The following PARPBP variants were observed in gnomAD, a reference collection of about 807,000 sequenced individuals.
PARPBP encodes the protein PARP1 binding protein.
A neutral mutation model predicts 50.0 loss-of-function variants in PARPBP; 52 were observed. The ratio of observed to expected loss-of-function variants is 1.04; its 90% CI spans 0.83 to 1.31. The LOEUF is 1.31. Among genes scored for constraint, PARPBP ranks in the 50% most tolerant of loss-of-function variants. The pLI is 0.00. For missense variants in PARPBP, 697 were observed against 672.0 expected (o/e 1.04, Z -0.41); for synonymous variants, 244 against 232.1 (o/e 1.05, Z -0.47).
rs369447411 is a variant in PARPBP at position 102,196,258 on chromosome 12, C to T, written c.1707C>T (p.Gly569=). The change falls in exon 11 of 11, where the codon GGC becomes GGT. Residue 569 remains glycine (G), a synonymous_variant. Coordinates refer to ENST00000327680, the MANE Select transcript of PARPBP (RefSeq NM_017915.5). ...CTGCCAAGGACAAGTTGATTTCTGGCCAGGCAAAGTTAACTCAGTTTTTTA... is the reference window on the plus strand; with the variant it reads ...CTGCCAAGGACAAGTTGATTTCTGGTCAGGCAAAGTTAACTCAGTTTTTTA... ...KCTAKDKLIS[G]QAKLTQFFRL 15 of 1,596,500 alleles carry T rather than the reference C, an allele frequency of 9.4e-6. No individual in the cohort carries two copies. In the African/African-American group the frequency reaches 1.9e-4, roughly 20 times the overall value.
chr12:102,178,943 G>A (rs1889563520), intron 8 of PARPBP, among the ~76,000 whole-genome samples, 173 bp downstream of exon 8: 1 of 152,158 alleles, frequency 6.6e-6, no homozygotes, highest in South Asian at 2.1e-4. Context: ...TATAAAAGAA[G>A]TAATATTTTA....
Position 102,120,255 on chromosome 12 carries a change from A to C in PARPBP, c.-35A>C, listed in dbSNP as rs1470119320. The C allele has an allele frequency of 3.6e-6, 1 of 275,048 alleles. No homozygotes were observed. Among genetic ancestry groups the C allele is most frequent in the Non-Finnish European group, 7.6e-6 (1 of 131,836 alleles). 17.0% of individuals were successfully genotyped at this position (275,048 alleles called of 1,614,324 possible). On this transcript the variant is annotated 5_prime_UTR_variant, in exon 1 of 11. Transcript: ENST00000327680. ...CCGTTGGGGATCCTTCCGCACACTG[A>C]AGAGTACGTCTTCGGGTCTACCCCT...
At chr12:102,157,878 T>C (rs1214565016) in intron 4 of PARPBP, among the ~76,000 whole-genome samples, 1 of 151,988 alleles carries the variant, frequency 6.6e-6, no homozygotes, top group Non-Finnish European at 1.5e-5. Flanking sequence ...CCCAGCACTT[T>C]GGGAGGCTGA....
At chr12:102,130,329 G>A (rs1426528499) in intron 2 of PARPBP, among the ~76,000 whole-genome samples, 5 of 152,146 alleles carry the variant, frequency 3.3e-5, no homozygotes, top group East Asian at 1.9e-4. Flanking sequence ...ACAGGCATGG[G>A]CAACGATTTC....
At chr12:102,124,854 TTTC>T (rs1352800329) in intron 2 of PARPBP, among the ~76,000 whole-genome samples, 2 of 152,200 alleles carry the variant, frequency 1.3e-5, no homozygotes, top group Non-Finnish European at 2.9e-5. Flanking sequence ...GACAGTAAAA[TTTC>T]TAAAAAATTA....
intron 8 of PARPBP, among the ~76,000 whole-genome samples, chr12:102,179,172 T>A (rs764522843): frequency 6.6e-6 from 1 of 152,178 alleles, no homozygotes; most frequent in African/African-American, 2.4e-5. Flanking sequence ...ATTAAGTAAT[T>A]TGCCCAAGTG....
chr12:102,176,796 A>G (rs1889328153), intron 7 of PARPBP, among the ~76,000 whole-genome samples: 1 of 152,212 alleles, frequency 6.6e-6, no homozygotes, highest in Non-Finnish European at 1.5e-5. Context: ...CTATTTTTCT[A>G]TAACAGTGCT....
Position 102,131,922 on chromosome 12 carries a change from A to G in PARPBP, c.153+7881A>G, listed in dbSNP as rs573911124. Reference sequence around the variant, plus strand: ...ACCGGGGTGACAAAATAATCTGTACAGCTGGGCGCTGTGGCTAATGCCTGT... The same window carrying G: ...ACCGGGGTGACAAAATAATCTGTACGGCTGGGCGCTGTGGCTAATGCCTGT... On this transcript the variant is annotated intron_variant, in intron 2 of 10. Transcript: ENST00000327680. Among the ~76,000 whole-genome samples, 31 of 152,154 alleles carry G rather than the reference A, an allele frequency of 2.0e-4. 1 individual carries two copies. The South Asian group carries it at 6.4e-3, about 32-fold the overall frequency.
In PARPBP at chr12:102,180,976, G is replaced by T. The variant is rs117901993; in HGVS notation, c.1185-1573G>T. On this transcript the variant is annotated intron_variant, in intron 8 of 10. Transcript: ENST00000327680. ...TTGAGTCAAGGGGGTTCTAATTCTG[G>T]CTCTATTAAGCCAAAAGGGATTAAT... Among the ~76,000 whole-genome samples the T allele has an allele frequency of 3.5e-3, 537 of 152,226 alleles. 2 individuals carry two copies. Among genetic ancestry groups the T allele is most frequent in the Non-Finnish European group, 6.0e-3 (405 of 68,008 alleles).
At chr12:102,121,545 CTTTTTTTTTTTTTT>C (rs35855638) in intron 1 of PARPBP, among the ~76,000 whole-genome samples, 1 of 87,140 alleles carries the variant, frequency 1.1e-5, no homozygotes, top group African/African-American at 4.6e-5. Context: ...TAGTAATGCT[CTTTTTTTTTTTTTT>C]TTTTTTTTTT....
intron 9 of PARPBP, among the ~76,000 whole-genome samples, chr12:102,193,493 G>A (rs527735879): frequency 1.3e-4 from 20 of 151,824 alleles, no homozygotes; most frequent in Admixed American, 5.3e-4. Context: ...ATTTGCCTGC[G>A]TGGTCTTACT....
At chr12:102,155,037 CAG>C (rs1886689063) in intron 4 of PARPBP, 1 of 318,244 alleles carries the variant, frequency 3.1e-6, no homozygotes, top group Admixed American at 4.4e-5. Flanking sequence ...GCTTGCCAAT[CAG>C]AAAATCTTTG....
Position 102,197,098 on chromosome 12 carries a change from A to G in PARPBP, c.*807A>G, listed in dbSNP as rs777070941. 3.7e-6 allele frequency: 6 copies of G among 1,612,020 alleles called. No individual in the cohort carries two copies. In the South Asian group the frequency reaches 4.4e-5, roughly 12 times the overall value. ...AGCTGGGAAAGCTACAGATCCTTTT[A>G]GTGCAAGATAAGGTTTTATAGCCAG... On this transcript the variant is annotated 3_prime_UTR_variant, in exon 11 of 11. Transcript: ENST00000327680.
rs751601446 is a variant in PARPBP at position 102,120,198 on chromosome 12, AGCGGCGACT to A, written c.-85_-77del. 127 of 242,146 alleles carry A rather than the reference AGCGGCGACT, an allele frequency of 5.2e-4. No homozygotes were observed. Among genetic ancestry groups the A allele is most frequent in the Non-Finnish European group, 8.8e-4 (101 of 115,070 alleles). The allele number at this position is 242,146 out of a possible 1,614,324, so 15.0% of individuals were successfully genotyped here. ...GGTTTGAACTGTATTCAGCGGCGAC[AGCGGCGACT>A]GCGGCGGCCGCGGGAGGGCATCCCG... is the stretch of plus-strand genomic sequence containing the variant. On this transcript the variant is annotated 5_prime_UTR_variant, in exon 1 of 11. Transcript: ENST00000327680.
chr12:102,152,070 A>C, intron 3 of PARPBP: 1 of 387,728 alleles, frequency 2.6e-6, no homozygotes, highest in Non-Finnish European at 4.7e-6. Flanking sequence ...AAAACCAAAG[A>C]ATGCTTTTAT....
Position 102,196,839 on chromosome 12 carries a change from C to A in PARPBP, c.*548C>A. On this transcript the variant is annotated 3_prime_UTR_variant, in exon 11 of 11. Coordinates refer to ENST00000327680, the MANE Select transcript of PARPBP (RefSeq NM_017915.5). The stretch of plus-strand genomic sequence containing the variant: ...AATAATTAATTGTTGCTATTTAATC[C>A]CACATTTTTGGCAGGTGTAATTGAG... The A allele has an allele frequency of 9.5e-7, 1 of 1,049,198 alleles. No individual in the cohort carries two copies. Among genetic ancestry groups the A allele is most frequent in the Non-Finnish European group, 1.4e-6 (1 of 699,394 alleles). The allele number at this position is 1,049,198 out of a possible 1,614,324, so 65.0% of individuals were successfully genotyped here.
chr12:102,150,407 C>T (rs1416919442), intron 3 of PARPBP: 1 of 343,004 alleles, frequency 2.9e-6, no homozygotes, highest in Non-Finnish European at 5.7e-6. Context: ...TTTTGAATGT[C>T]ATGATCCTGA....
intron 6 of PARPBP, among the ~76,000 whole-genome samples, chr12:102,167,691 A>G (rs915444270): frequency 3.9e-5 from 6 of 152,108 alleles, no homozygotes; most frequent in African/African-American, 1.4e-4. Context: ...ATATTCTGGG[A>G]TTTGAGATAG....
At position 102,130,731 on chromosome 12, in the gene PARPBP, T is replaced by C. The variant is rs1185288174; in HGVS notation, c.153+6690T>C. On this transcript the variant is annotated intron_variant, in intron 2 of 10. Transcript: ENST00000327680. ...TTAGCCGGGCATGGGGGCAGACGCC[T>C]GTAATCCCAGCTACTCGGGAGACTG... Among the ~76,000 whole-genome samples, 5 of 151,628 alleles carry C rather than the reference T, an allele frequency of 3.3e-5. No homozygotes were observed. In the East Asian group the frequency reaches 9.8e-4, roughly 30 times the overall value.
Sources: gnomAD v4.1 joint callset for allele counts (sites outside exome capture counted in the v4.1 genomes callset) on GRCh38, gnomAD v4.1.1 for gene constraint, MANE v1.5 for transcripts, NCBI Gene and HGNC (gene_info 2026-07-23, HGNC 2026-07-21) for gene names.